DPH5: variants seen among roughly 807,000 people sequenced by gnomAD.
The protein encoded by DPH5 is diphthine methyl ester synthase.
In DPH5, 31 loss-of-function variants were observed where a neutral mutation model predicts 31.6. The ratio of observed to expected loss-of-function variants is 0.98; its 90% confidence interval spans 0.74 to 1.32. The LOEUF (loss-of-function observed/expected upper bound fraction) is 1.32. Ranked by LOEUF, DPH5 falls within the 40% of genes most tolerant of loss-of-function variation. The pLI is 0.00. For synonymous variants in DPH5, 120 were observed against 115.0 expected, an observed-to-expected ratio of 1.04 and a Z score of -0.28; for missense variants, 309 against 335.7, an observed-to-expected ratio of 0.92 and a Z score of 0.62.
chr1:100,992,961 A>G (rs1657917895), intron 6 of DPH5, among the ~76,000 whole-genome samples: 1 of 152,216 alleles, frequency 6.6e-6, no homozygotes, highest in African/African-American at 2.4e-5. Context: ...TCTCACTGAA[A>G]TGATGGCAGG....
Position 100,989,758 on chromosome 1 carries a change from T to A in DPH5, c.*650A>T, listed in dbSNP as rs935038871. On this transcript the variant is annotated 3_prime_UTR_variant, in exon 8 of 8. Transcript: ENST00000370109. ...TCTGTTAACAACCACCTTGTATAAA[T>A]TGGTTTCATAAATAAAAACTGCTCT... The A allele has an allele frequency of 2.0e-5, 3 of 152,332 alleles. No homozygotes were observed. Among genetic ancestry groups the A allele is most frequent in the Non-Finnish European group, 2.9e-5 (2 of 68,128 alleles). The allele number at this position is 152,332 out of a possible 1,614,324, so 9.4% of individuals were successfully genotyped here.
chr1:101,019,277 T>G (rs1346548497), intron 3 of DPH5, among the ~76,000 whole-genome samples: 4 of 152,104 alleles, frequency 2.6e-5, no homozygotes, highest in Non-Finnish European at 5.9e-5. Context: ...ATAACCTGGG[T>G]AAAAGAACAA....
chr1:100,999,002 T>G lies in DPH5; in HGVS notation c.490+2465A>C, dbSNP rs547418259. Among the ~76,000 whole-genome samples the G allele has an allele frequency of 2.0e-5, 3 of 152,280 alleles. No homozygotes were observed. The South Asian group carries it at 6.2e-4, about 32-fold the overall frequency. On this transcript the variant is annotated intron_variant, in intron 5 of 7. Coordinates refer to ENST00000370109, the MANE Select transcript of DPH5 (RefSeq NM_015958.3). ...AAAGTAGCCATAGATAATATATAAA[T>G]GAAGGTGCACGGCCATGTTCCAATA...
At position 100,999,314 on chromosome 1, in the gene DPH5, G is replaced by A. The variant is rs115219822; in HGVS notation, c.490+2153C>T. Among the ~76,000 whole-genome samples the A allele has an allele frequency of 3.3e-3, 505 of 152,168 alleles. 3 individuals are homozygous for A. Among genetic ancestry groups the A allele is most frequent in the African/African-American group, 0.012 (496 of 41,532 alleles). On this transcript the variant is annotated intron_variant, in intron 5 of 7. Coordinates refer to ENST00000370109, the MANE Select transcript of DPH5 (RefSeq NM_015958.3). ...AACATACAAAAATTGGCTAGGTGTG[G>A]TGGCGTATGCCTGTGGTTCCAGCTA... is the stretch of plus-strand genomic sequence containing the variant.
Position 101,025,295 on chromosome 1 carries a change from C to G in DPH5, c.135+14G>C, listed in dbSNP as rs1660742498. On this transcript the variant is annotated intron_variant, in intron 2 of 7. Coordinates refer to ENST00000370109, the MANE Select transcript of DPH5 (RefSeq NM_015958.3). ...GCTTTCTTCCCAGGAGGCTGGGGAA[C>G]GCTCAGCACCTACCAAGGCTTCCTT... is the stretch of plus-strand genomic sequence containing the variant. The G allele has an allele frequency of 1.2e-6, 2 of 1,611,914 alleles. No individual in the cohort carries two copies. Among genetic ancestry groups the G allele is most frequent in the Non-Finnish European group, 8.5e-7 (1 of 1,179,306 alleles).
chr1:101,006,099 C>G (rs1659213146), intron 4 of DPH5, among the ~76,000 whole-genome samples: 1 of 152,188 alleles, frequency 6.6e-6, no homozygotes, highest in South Asian at 2.1e-4. Flanking sequence ...GAGGCCTCCC[C>G]AGCCATGCTG....
chr1:101,012,152 C>T (rs779353679), intron 4 of DPH5, among the ~76,000 whole-genome samples: 5 of 152,124 alleles, frequency 3.3e-5, no homozygotes, highest in Admixed American at 2.0e-4. Flanking sequence ...CCACCTGCCT[C>T]GGCCTCCCAA....
rs2101331626 is a variant in DPH5, at chr1:101,025,455, G to A, written c.-12C>T. The stretch of plus-strand genomic sequence containing the variant: ...ATGAGATAAAGCATTTCAAACTTGA[G>A]GAGAAGAGAGACTGCAAGACGAAGT... On this transcript the variant is annotated 5_prime_UTR_variant, in exon 2 of 8. Coordinates refer to ENST00000370109, the MANE Select transcript of DPH5 (RefSeq NM_015958.3). 1 of 1,613,744 alleles carries A rather than the reference G, an allele frequency of 6.2e-7. No individual in the cohort carries two copies. The highest frequency in any genetic ancestry group is 8.5e-7 in the Non-Finnish European group (1 of 1,179,952).
At chr1:101,001,782 G>T (rs576516811) in intron 4 of DPH5, among the ~76,000 whole-genome samples, 195 bp from the exon 5 acceptor site, 1 of 152,242 alleles carries the variant, frequency 6.6e-6, no homozygotes, top group East Asian at 1.9e-4. Context: ...TCTGATGCTA[G>T]TAGTAAGTAA....
At chr1:101,018,521 T>C (rs940299656) in intron 3 of DPH5, among the ~76,000 whole-genome samples, 41 of 152,342 alleles carry the variant, frequency 2.7e-4, no homozygotes, top group Middle Eastern at 3.4e-3. Context: ...ATTACAAGCA[T>C]GAGCCACTGC....
chr1:101,002,271 C>G (rs965020384), intron 4 of DPH5, among the ~76,000 whole-genome samples: 2 of 152,218 alleles, frequency 1.3e-5, no homozygotes, highest in Admixed American at 1.3e-4. Flanking sequence ...GCTGGCTTCT[C>G]TGATCCAGAC....
chr1:101,019,708 C>T (rs961696651), intron 3 of DPH5, among the ~76,000 whole-genome samples: 1 of 151,908 alleles, frequency 6.6e-6, no homozygotes, highest in Non-Finnish European at 1.5e-5. Flanking sequence ...CATATCCTAA[C>T]TATAATCTGC....
intron 4 of DPH5, among the ~76,000 whole-genome samples, chr1:101,005,756 A>T (rs1434638458): frequency 6.6e-6 from 1 of 152,266 alleles, no homozygotes; most frequent in Non-Finnish European, 1.5e-5. Flanking sequence ...GCACTGTGAT[A>T]GAATGCAATG....
intron 6 of DPH5, among the ~76,000 whole-genome samples, chr1:100,993,948 T>A (rs914639297): frequency 1.3e-5 from 2 of 151,998 alleles, no homozygotes; most frequent in Non-Finnish European, 2.9e-5. Context: ...TTCACCATCT[T>A]GGCCAGGCTG....
At chr1:100,999,870 T>C (rs574060501) in intron 5 of DPH5, among the ~76,000 whole-genome samples, 3 of 151,040 alleles carry the variant, frequency 2.0e-5, no homozygotes, top group East Asian at 1.9e-4. Flanking sequence ...AAAGGCCGAG[T>C]GCAGTGGCTC....
chr1:101,021,489 A>T, intron 3 of DPH5, 152 bp downstream of exon 3: 1 of 652,462 alleles, frequency 1.5e-6, no homozygotes, highest in East Asian at 3.1e-5. Flanking sequence ...AAGATCATGA[A>T]AGTTTAAACT....
intron 4 of DPH5, among the ~76,000 whole-genome samples, chr1:101,012,153 G>A (rs1287280710): frequency 6.6e-6 from 1 of 151,790 alleles, no homozygotes; most frequent in East Asian, 1.9e-4. Context: ...CACCTGCCTC[G>A]GCCTCCCAAA....
At chr1:100,993,433 T>C (rs1415493747) in intron 6 of DPH5, among the ~76,000 whole-genome samples, 2 of 150,760 alleles carry the variant, frequency 1.3e-5, no homozygotes, top group Admixed American at 6.6e-5. Flanking sequence ...ACGCCTGTAA[T>C]CCCAGCTACT....
chr1:101,021,817 AACACACACACACACACACACACACACAC>A (rs67726104), intron 2 of DPH5, 52 bp from the exon 3 acceptor site: 2 of 739,016 alleles, frequency 2.7e-6, no homozygotes, highest in Non-Finnish European at 4.0e-6. Context: ...TGACCATTCT[AACACACACACACACACACACACACACAC>A]ACACACACAC....
Sources: gnomAD v4.1 joint callset for allele counts (sites outside exome capture counted in the v4.1 genomes callset) on GRCh38, gnomAD v4.1.1 for gene constraint, MANE v1.5 for transcripts, NCBI Gene and HGNC (gene_info 2026-07-23, HGNC 2026-07-21) for gene names.